Variants in VWA2 observed in about 807,000 individuals in gnomAD.
VWA2 encodes von Willebrand factor A domain-containing protein 2.
VWA2 carries 73 observed loss-of-function variants against 70.4 expected under a neutral mutation model. That is an observed-to-expected ratio of 1.04 (90% CI 0.86 to 1.26). The LOEUF (loss-of-function observed/expected upper bound fraction) is 1.26. VWA2 is among the 50% of genes most tolerant of loss of function. VWA2 has a pLI of 0.00. For missense variants in VWA2, 1,011 were observed against 998.5 expected (o/e 1.01, Z -0.17); for synonymous variants, 407 against 423.3 (o/e 0.96, Z 0.47).
intron 5 of VWA2, among the ~76,000 whole-genome samples, chr10:114,261,822 G>A (rs2133329870): frequency 6.6e-6 from 1 of 152,280 alleles, no homozygotes; most frequent in African/African-American, 2.4e-5. Flanking sequence ...AATACCTGAG[G>A]CTGGGTAAAT....
chr10:114,253,818 C>T, intron 3 of VWA2, 93 bp downstream of exon 3: 1 of 1,227,762 alleles, frequency 8.1e-7, no homozygotes, highest in Non-Finnish European at 1.2e-6. Context: ...AGAGTTTCTG[C>T]CCCTTTCCCA....
At position 114,286,018 on chromosome 10, in the gene VWA2, C is replaced by T; in HGVS notation, c.1077C>T (p.Phe359=). 1.2e-6 allele frequency: 2 copies of T among 1,614,156 alleles called. No homozygotes were observed. Among genetic ancestry groups the T allele is most frequent in the Non-Finnish European group, 1.7e-6 (2 of 1,180,030 alleles). The change falls in exon 11 of 14, where the codon TTC becomes TTT. Residue 359 remains phenylalanine, a synonymous_variant. Coordinates refer to ENST00000392982, the MANE Select transcript of VWA2 (RefSeq NM_001272046.2). ...DSSAGTTLDG[F]LRAKVFVKRF... Reference sequence around the variant, plus strand: ...CTGCGGGCACCACTCTGGACGGCTTCCTGCGGGCCAAAGTCTTCGTGAAGC... The same window carrying T: ...CTGCGGGCACCACTCTGGACGGCTTTCTGCGGGCCAAAGTCTTCGTGAAGC...
At chr10:114,277,321 C>G (rs1177164436) in intron 6 of VWA2, among the ~76,000 whole-genome samples, 3 of 151,706 alleles carry the variant, frequency 2.0e-5, no homozygotes, top group Non-Finnish European at 2.9e-5. Flanking sequence ...GTAGCTGGAA[C>G]TACAGGCACC....
Position 114,286,018 on chromosome 10 carries a change from C to A in VWA2, c.1077C>A (p.Phe359Leu). Reference sequence around the variant, plus strand: ...CTGCGGGCACCACTCTGGACGGCTTCCTGCGGGCCAAAGTCTTCGTGAAGC... The same window carrying A: ...CTGCGGGCACCACTCTGGACGGCTTACTGCGGGCCAAAGTCTTCGTGAAGC... ...DSSAGTTLDG[F>L]LRAKVFVKRF... The change falls in exon 11 of 14, where the codon TTC (phenylalanine) becomes TTA (leucine). Residue 359 changes from phenylalanine (F) to leucine (L), a missense_variant. Phe to Leu is a conservative substitution (Grantham distance 22). Transcript: ENST00000392982. The A allele has an allele frequency of 6.2e-7, 1 of 1,614,156 alleles. No individual in the cohort carries two copies. Among genetic ancestry groups the A allele is most frequent in the Non-Finnish European group, 8.5e-7 (1 of 1,180,030 alleles).
intron 5 of VWA2, among the ~76,000 whole-genome samples, chr10:114,262,807 A>G (rs1237356612): frequency 6.6e-6 from 1 of 152,174 alleles, no homozygotes; most frequent in Non-Finnish European, 1.5e-5. Flanking sequence ...GTACAAAAGG[A>G]AAGAGCTCAT....
Position 114,286,158 on chromosome 10 carries a change from T to C in VWA2, c.1217T>C (p.Leu406Pro), listed in dbSNP as rs761161206. The C allele has an allele frequency of 5.0e-5, 80 of 1,613,952 alleles. No homozygotes were observed. Among genetic ancestry groups the C allele is most frequent in the Non-Finnish European group, 4.7e-5 (56 of 1,180,022 alleles). The change falls in exon 11 of 14, where the codon CTG (leucine) becomes CCG (proline). Residue 406 changes from leucine to proline, a missense_variant. Transcript: ENST00000392982. ...GGGGAGTACCAGGATGTGCCTGACC[T>C]GGTCTGGAGCCTCGATGGCATTCCC... ...PVGEYQDVPD[L>P]VWSLDGIPFR...
At chr10:114,290,915 G>A (rs1332184043) in intron 13 of VWA2, among the ~76,000 whole-genome samples, 1 of 152,178 alleles carries the variant, frequency 6.6e-6, no homozygotes, top group Non-Finnish European at 1.5e-5. Flanking sequence ...GAGAGTGATC[G>A]TTGGGAGGCA....
chr10:114,265,780 C>T (rs1448641677), intron 5 of VWA2, among the ~76,000 whole-genome samples: 1 of 152,200 alleles, frequency 6.6e-6, no homozygotes, highest in Non-Finnish European at 1.5e-5. Context: ...GTCTGCTCTT[C>T]TGGGGCTGTG....
intron 11 of VWA2, among the ~76,000 whole-genome samples, chr10:114,286,863 A>G (rs1369525922): frequency 6.6e-6 from 1 of 152,208 alleles, no homozygotes; most frequent in African/African-American, 2.4e-5. Flanking sequence ...CAGGCTCCAG[A>G]GCAGCAGCTT....
chr10:114,278,232 G>T (rs1338565529), intron 7 of VWA2, among the ~76,000 whole-genome samples, 185 bp downstream of exon 7: 1 of 152,156 alleles, frequency 6.6e-6, no homozygotes, highest in East Asian at 1.9e-4. Flanking sequence ...TTTCCCAGCT[G>T]GGAGCCCCGA....
At position 114,289,273 on chromosome 10, in the gene VWA2, G is replaced by C; in HGVS notation, c.1906G>C (p.Val636Leu). The change falls in exon 12 of 14, where the codon GTG becomes CTG. Residue 636 changes from valine (V) to leucine (L), a missense_variant. Coordinates refer to ENST00000392982, the MANE Select transcript of VWA2 (RefSeq NM_001272046.2). ...TGCCCGGCCTGGTGTCCCCAAAGCTGTGGTGGTGCTCACAGGCGGGAGAGG... is the reference window on the plus strand; with the variant it reads ...TGCCCGGCCTGGTGTCCCCAAAGCTCTGGTGGTGCTCACAGGCGGGAGAGG... ...RGARPGVPKA[V>L]VVLTGGRGAE... 1 of 1,614,202 alleles carries C rather than the reference G, an allele frequency of 6.2e-7. No individual in the cohort carries two copies. Among genetic ancestry groups the C allele is most frequent in the Non-Finnish European group, 8.5e-7 (1 of 1,180,044 alleles).
At chr10:114,269,554 C>CT (rs970598038) in intron 5 of VWA2, among the ~76,000 whole-genome samples, 13 of 152,200 alleles carry the variant, frequency 8.5e-5, no homozygotes, top group African/African-American at 2.6e-4. Flanking sequence ...ACACTCCAGC[C>CT]TGGGTGACAG....
At position 114,291,918 on chromosome 10, in the gene VWA2, G is replaced by A. The variant is rs1490088993; in HGVS notation, c.*681G>A. Among the ~76,000 whole-genome samples the A allele has an allele frequency of 2.0e-5, 3 of 152,186 alleles. No homozygotes were observed. The highest frequency in any genetic ancestry group is 1.3e-4 in the Admixed American group (2 of 15,284). On this transcript the variant is annotated 3_prime_UTR_variant, in exon 14 of 14. Transcript: ENST00000392982. ...GGGGCTGAGTGTGCAATGGGCCCAG[G>A]TCTGGAGGGGCCACGTAAAATCGTT...
chr10:114,294,152 C>T lies in VWA2; in HGVS notation c.*2915C>T, dbSNP rs2039855764. ...TAAACTCTATTTGGTCATTATGCAT[C>T]ATTCTATAAACCCTGCTGAATTTTT... On this transcript the variant is annotated 3_prime_UTR_variant, in exon 14 of 14. Transcript: ENST00000392982. Among the ~76,000 whole-genome samples the T allele has an allele frequency of 6.6e-6, 1 of 152,160 alleles. No homozygotes were observed. Among genetic ancestry groups the T allele is most frequent in the Non-Finnish European group, 1.5e-5 (1 of 68,002 alleles).
Position 114,242,962 on chromosome 10 carries a change from G to A in VWA2, c.-11+3393G>A, listed in dbSNP as rs560134538. 2.6e-5 allele frequency among the ~76,000 whole-genome samples: 4 copies of A among 152,284 alleles called. 1 individual carries two copies. The highest frequency in any genetic ancestry group is 4.1e-4 in the South Asian group (2 of 4,822). On this transcript the variant is annotated intron_variant, in intron 1 of 13. Coordinates refer to ENST00000392982, the MANE Select transcript of VWA2 (RefSeq NM_001272046.2). ...TTGGCAGATGAGGAACTAAGGCAGGGGAGGTTGTTGCTTGCAGTCACCCAG... is the reference window on the plus strand; with the variant it reads ...TTGGCAGATGAGGAACTAAGGCAGGAGAGGTTGTTGCTTGCAGTCACCCAG...
At position 114,291,233 on chromosome 10, in the gene VWA2, C is replaced by CCTGA; in HGVS notation, c.2265_2268dup. On this transcript the variant is annotated stop_gained and frameshift_variant, in exon 14 of 14. Coordinates refer to ENST00000392982, the MANE Select transcript of VWA2 (RefSeq NM_001272046.2). LOFTEE classifies it high-confidence loss of function. ...CCTTCCCCAGGATTCTTGAGACGCC[C>CCTGA]CTGAGGCACATGGCTCCCGTGCAGG... 6.4e-7 allele frequency: 1 copy of CCTGA among 1,550,398 alleles called. No homozygotes were observed. The highest frequency in any genetic ancestry group is 8.7e-7 in the Non-Finnish European group (1 of 1,146,906).
In VWA2 at chr10:114,248,782, G is replaced by A; in HGVS notation, c.52+17G>A. 6.2e-7 allele frequency: 1 copy of A among 1,612,486 alleles called. No homozygotes were observed. The highest frequency in any genetic ancestry group is 8.5e-7 in the Non-Finnish European group (1 of 1,178,584). On this transcript the variant is annotated intron_variant, in intron 2 of 13. Transcript: ENST00000392982. ...TTTCCAGAGGTAAGATGTGTTTATT[G>A]GTGGTGGGGAAGTACTGGCGTGTTG...
At chr10:114,278,573 C>CCCTG in intron 7 of VWA2, 146 bp from the exon 8 acceptor site, 1 of 1,174,908 alleles carries the variant, frequency 8.5e-7, no homozygotes, top group South Asian at 1.4e-5. Context: ...CAGAGATATG[C>CCCTG]CCTGACCTGA....
rs753192389 is a variant in VWA2 at position 114,254,976 on chromosome 10, G to T, written c.189G>T (p.Gly63=). 9.3e-6 allele frequency: 15 copies of T among 1,613,404 alleles called. No homozygotes were observed. In the Middle Eastern group the frequency reaches 2.3e-3, roughly 251 times the overall value. Residue 63 remains glycine, a synonymous_variant, in exon 4 of 14, where the codon GGG becomes GGT. Transcript: ENST00000392982. ...MFLLDGSNSV[G]KGSFERSKHF... ...TGTTAGATGGGTCTAACAGCGTCGGGAAAGGGAGCTTTGAAAGGTCCAAGC... is the reference window on the plus strand; with the variant it reads ...TGTTAGATGGGTCTAACAGCGTCGGTAAAGGGAGCTTTGAAAGGTCCAAGC...
Sources: gnomAD v4.1 joint callset for allele counts (sites outside exome capture counted in the v4.1 genomes callset) on GRCh38, gnomAD v4.1.1 for gene constraint, MANE v1.5 for transcripts, NCBI Gene and HGNC (gene_info 2026-07-23, HGNC 2026-07-21) for gene names.